The following ATXN7 variants were observed in gnomAD, a reference collection of about 807,000 sequenced individuals.
ATXN7 encodes ataxin-7.
A neutral mutation model predicts 70.5 loss-of-function variants in ATXN7; 12 were observed. The ratio of observed to expected loss-of-function variants is 0.17; its 90% CI spans 0.11 to 0.28. ATXN7 has a LOEUF of 0.28. Ranked by LOEUF, ATXN7 falls within the 10% of genes least tolerant of loss-of-function variation. The pLI is 1.00. For missense variants in ATXN7, 1,256 were observed against 1,131.7 expected (o/e 1.11, Z -1.58); for synonymous variants, 498 against 448.7 (o/e 1.11, Z -1.39).
intron 1 of ATXN7, among the ~76,000 whole-genome samples, chr3:63,890,976 A>G (rs561708088): frequency 1.3e-5 from 2 of 152,204 alleles, no homozygotes; most frequent in Admixed American, 1.3e-4. Context: ...TGTGGCACCC[A>G]ACATTTCTTT....
At chr3:63,932,566 A>G (rs962200609) in intron 4 of ATXN7, among the ~76,000 whole-genome samples, 5 of 152,176 alleles carry the variant, frequency 3.3e-5, no homozygotes, top group Non-Finnish European at 7.3e-5. Context: ...CCTTAGGGTA[A>G]AGGTAAAACT....
rs928883640 is a variant in ATXN7, at chr3:63,990,759, C to A, written c.1582C>A (p.Gln528Lys). 5.0e-6 allele frequency: 8 copies of A among 1,613,994 alleles called. No homozygotes were observed. Among genetic ancestry groups the A allele is most frequent in the Non-Finnish European group, 6.8e-6 (8 of 1,180,000 alleles). ...GCAGTTTTGCACATTTGGGAGCCGG[C>A]AGATAGGAAGAGGCTATTACGTGTT... ...PASFCTFGSR[Q>K]IGRGYYVFDS... Residue 528 changes from glutamine (Q) to lysine (K), a missense_variant, in exon 11 of 13, where the codon CAG becomes AAG. Physicochemically the swap from Gln to Lys is moderately conservative, Grantham distance 53. Transcript: ENST00000674280.
chr3:63,929,325 T>A (rs1017351236), intron 4 of ATXN7, among the ~76,000 whole-genome samples: 1 of 148,390 alleles, frequency 6.7e-6, no homozygotes, highest in Non-Finnish European at 1.5e-5. Flanking sequence ...CAGGCTGGAG[T>A]GCAGTGGCGC....
rs1278930846 is a variant in ATXN7 at position 63,912,685 on chromosome 3, G to GCAGCAGCAA, written c.95_96insACAGCAGCA (p.Gln37_Gln39dup). On this transcript the variant is annotated inframe_insertion, in exon 3 of 13. Transcript: ENST00000674280. Reference sequence around the variant, plus strand: ...GCGGAGCAGCGGCCGCGGCCGCCCGGCAGCAGCAGCAGCAGCAGCAGCAGC... The same window carrying GCAGCAGCAA: ...GCGGAGCAGCGGCCGCGGCCGCCCGGCAGCAGCAACAGCAGCAGCAGCAGCAGCAGCAGC... 1.1e-6 allele frequency: 1 copy of GCAGCAGCAA among 882,860 alleles called. No homozygotes were observed. Among genetic ancestry groups the GCAGCAGCAA allele is most frequent in the Non-Finnish European group, 1.3e-6 (1 of 742,392 alleles). 54.7% of individuals were successfully genotyped at this position (882,860 alleles called of 1,614,324 possible).
chr3:63,903,161 G>A (rs753229654), intron 2 of ATXN7, among the ~76,000 whole-genome samples: 10 of 152,110 alleles, frequency 6.6e-5, no homozygotes, highest in East Asian at 1.9e-4. Flanking sequence ...TTGGGAGGCC[G>A]AGGCGGGAGG....
At chr3:63,997,696 CT>C (rs1559664372) in intron 12 of ATXN7, 2 of 1,551,574 alleles carry the variant, frequency 1.3e-6, no homozygotes, top group South Asian at 1.2e-5. Context: ...ATGTGAGGCT[CT>C]TTTTCATGAT....
chr3:63,919,290 C>G (rs545776827), intron 4 of ATXN7, among the ~76,000 whole-genome samples: 34 of 152,146 alleles, frequency 2.2e-4, no homozygotes, highest in African/African-American at 7.2e-4. Context: ...CAACAGAGAC[C>G]ATATGACCCA....
At chr3:63,991,249 T>G (rs569388959) in intron 11 of ATXN7, among the ~76,000 whole-genome samples, 1 of 152,020 alleles carries the variant, frequency 6.6e-6, no homozygotes, top group South Asian at 2.1e-4. Flanking sequence ...ATACTTAACA[T>G]TCACAATTCT....
intron 2 of ATXN7, among the ~76,000 whole-genome samples, chr3:63,907,149 G>A (rs1022512739): frequency 6.6e-6 from 1 of 152,152 alleles, no homozygotes; most frequent in Non-Finnish European, 1.5e-5. Context: ...AGTTACTCTT[G>A]TTTTACTCAT....
chr3:63,886,854 C>T (rs1559620428), intron 1 of ATXN7, among the ~76,000 whole-genome samples: 1 of 152,166 alleles, frequency 6.6e-6, no homozygotes, highest in Non-Finnish European at 1.5e-5. Flanking sequence ...AAAGCCATGA[C>T]AGTTTGTTTG....
chr3:63,980,243 G>A (rs1346328321), intron 6 of ATXN7, 76 bp downstream of exon 6: 4 of 1,548,212 alleles, frequency 2.6e-6, no homozygotes, highest in Non-Finnish European at 3.5e-6. Context: ...ATGTGAGAGT[G>A]CCTGTGAGTA....
At chr3:63,984,205 A>G (rs2075534637) in intron 8 of ATXN7, among the ~76,000 whole-genome samples, 1 of 150,418 alleles carries the variant, frequency 6.6e-6, no homozygotes, top group African/African-American at 2.5e-5. Context: ...TAAATATCTC[A>G]TTTTTAAAAA....
At position 63,995,653 on chromosome 3, in the gene ATXN7, A is replaced by G. The variant is rs2075745307; in HGVS notation, c.1831A>G (p.Ile611Val). The stretch of plus-strand genomic sequence containing the variant: ...CCCAGTCCTGCTCTCATCTACCTGC[A>G]TCTCCCCAAATAGCAAATCGGTACC... ...TSPVLLSSTCISPNSKSVPAH... is the reference protein window; with the variant it reads ...TSPVLLSSTCVSPNSKSVPAH... The change falls in exon 12 of 13, where the codon ATC becomes GTC. Residue 611 changes from isoleucine (I) to valine (V), a missense_variant. Transcript: ENST00000674280. The G allele has an allele frequency of 1.9e-6, 3 of 1,614,156 alleles. No homozygotes were observed. The highest frequency in any genetic ancestry group is 2.2e-5 in the South Asian group (2 of 91,064).
In ATXN7 at chr3:63,961,974, A is replaced by T. The variant is rs1484558579; in HGVS notation, c.499+9491A>T. Among the ~76,000 whole-genome samples, 3 of 152,132 alleles carry T rather than the reference A, an allele frequency of 2.0e-5. No individual in the cohort carries two copies. In the South Asian group the frequency reaches 6.2e-4, roughly 31 times the overall value. ...TAAGATAAACACACCTGCGATTTCA[A>T]CCCCACTAAGCTGTGATCTTACATA... On this transcript the variant is annotated intron_variant, in intron 5 of 12. Coordinates refer to ENST00000674280, the MANE Select transcript of ATXN7 (RefSeq NM_001377405.1).
chr3:63,907,765 A>T (rs2107283977), intron 2 of ATXN7, among the ~76,000 whole-genome samples: 1 of 151,742 alleles, frequency 6.6e-6, no homozygotes, highest in South Asian at 2.1e-4. Context: ...CTTTTCTATA[A>T]CTTGAAACTT....
rs528224302 is a variant in ATXN7, at chr3:63,871,366, C to T, written c.-111+7208C>T. On this transcript the variant is annotated intron_variant, in intron 1 of 12. Coordinates refer to ENST00000674280, the MANE Select transcript of ATXN7 (RefSeq NM_001377405.1). ...CTTACTTTTAGCATTTAAGGGTTTC[C>T]TTCTTGTTAAAAAAAGTAAATTTGC... 2.6e-5 allele frequency among the ~76,000 whole-genome samples: 4 copies of T among 152,108 alleles called. No homozygotes were observed. The East Asian group carries it at 5.8e-4, about 22-fold the overall frequency.
At chr3:63,953,277 G>A (rs541979764) in intron 5 of ATXN7, among the ~76,000 whole-genome samples, 1 of 152,314 alleles carries the variant, frequency 6.6e-6, no homozygotes, top group Admixed American at 6.5e-5. Context: ...CACTGGAGCT[G>A]AGTCCTAAGT....
intron 4 of ATXN7, among the ~76,000 whole-genome samples, chr3:63,916,373 T>C (rs1704268703): frequency 6.6e-6 from 1 of 152,210 alleles, no homozygotes; most frequent in Admixed American, 6.5e-5. Context: ...ATGTCAGTTT[T>C]CTAGGGTAGG....
At chr3:63,954,493 C>T (rs1010470842) in intron 5 of ATXN7, among the ~76,000 whole-genome samples, 4 of 152,080 alleles carry the variant, frequency 2.6e-5, no homozygotes, top group African/African-American at 7.2e-5. Context: ...CTGCTCTGGA[C>T]GTGTTGGTGA....
Sources: gnomAD v4.1 joint callset for allele counts (sites outside exome capture counted in the v4.1 genomes callset) on GRCh38, gnomAD v4.1.1 for gene constraint, MANE v1.5 for transcripts, NCBI Gene and HGNC (gene_info 2026-07-23, HGNC 2026-07-21) for gene names.